DMD: variants seen among roughly 807,000 people sequenced by gnomAD.
DMD encodes the protein mutant dystrophin.
A neutral mutation model predicts 330.1 loss-of-function variants in DMD; 63 were observed. The ratio of observed to expected loss-of-function variants is 0.19; its 90% CI spans 0.16 to 0.24. The LOEUF (loss-of-function observed/expected upper bound fraction) is 0.24, where lower values mean the gene tolerates loss of function less well. Among genes scored for constraint, DMD ranks in the 10% least tolerant of loss-of-function variants. The probability of loss-of-function intolerance (pLI) is 1.00; values close to 1 mark genes in which losing one functional copy is unlikely to be tolerated. For synonymous variants in DMD, 1,223 were observed against 959.8 expected, an observed-to-expected ratio of 1.27 and a Z score of -5.07; for missense variants, 3,344 against 2,684.1, an observed-to-expected ratio of 1.25 and a Z score of -5.43.
chrX:32,913,603 G>A (rs998340250), intron 2 of DMD, among the ~76,000 whole-genome samples: 1 of 111,861 alleles, frequency 8.9e-6, no homozygotes, highest in African/African-American at 3.2e-5. Flanking sequence ...AGTTGGAACT[G>A]TGTAGCAGAC....
At chrX:32,811,443 T>C (rs1377384916) in intron 6 of DMD, among the ~76,000 whole-genome samples, 1 of 112,041 alleles carries the variant, frequency 8.9e-6, no homozygotes, top group Non-Finnish European at 1.9e-5. Context: ...ACACTTACTA[T>C]TTAACGTATT....
At chrX:32,289,989 T>C (rs2097459905) in intron 42 of DMD, among the ~76,000 whole-genome samples, 1 of 111,848 alleles carries the variant, frequency 8.9e-6, no homozygotes, top group South Asian at 3.7e-4. Flanking sequence ...ATCTTCACTA[T>C]GACCTATAAA....
At chrX:33,155,030 C>T (rs1454342777) in intron 1 of DMD, among the ~76,000 whole-genome samples, 2 of 112,189 alleles carry the variant, frequency 1.8e-5, no homozygotes, top group African/African-American at 6.5e-5. Flanking sequence ...TCCAGAAGTA[C>T]AAGACAAAAC....
Position 32,983,528 on chromosome X carries a change from T to TACACACACAC in DMD, c.93+36601_93+36610dup, listed in dbSNP as rs561986393. Among the ~76,000 whole-genome samples the TACACACACAC allele has an allele frequency of 4.4e-4, 32 of 73,555 alleles. 1 individual carries two copies. The highest frequency in any genetic ancestry group is 1.2e-3 in the African/African-American group (23 of 18,581). The allele number at this position is 73,555 out of a possible 115,157, so 63.9% of individuals were successfully genotyped here. A position where few individuals can be genotyped will look rare whatever the true frequency, so the allele number is the denominator to read the frequency against. ...TGTGATGAAACTGTACAGAACTAAATACACACACACACACACACACACACA... is the reference window on the plus strand; with the variant it reads ...TGTGATGAAACTGTACAGAACTAAATACACACACACACACACACACACACACACACACACA... On this transcript the variant is annotated intron_variant, in intron 2 of 78. Coordinates refer to ENST00000357033, the MANE Select transcript of DMD (RefSeq NM_004006.3).
intron 7 of DMD, among the ~76,000 whole-genome samples, chrX:32,731,424 C>T (rs976577108): frequency 8.9e-6 from 1 of 112,795 alleles, no homozygotes; most frequent in Admixed American, 9.3e-5. Flanking sequence ...CTCAAGGAGG[C>T]CTGCCTGCCT....
intron 1 of DMD, among the ~76,000 whole-genome samples, chrX:33,131,612 G>A (rs993030902): frequency 9.8e-5 from 11 of 111,938 alleles, no homozygotes; most frequent in Non-Finnish European, 1.9e-4. Flanking sequence ...ACCAAGCCCT[G>A]CAGACAAACT....
intron 44 of DMD, among the ~76,000 whole-genome samples, chrX:32,075,073 A>C (rs753528082): frequency 4.5e-4 from 50 of 112,352 alleles, no homozygotes; most frequent in African/African-American, 1.6e-3. Context: ...AGAGAGAGGA[A>C]GTGAACTCCT....
chrX:32,672,903 C>A (rs1460608818), intron 9 of DMD, among the ~76,000 whole-genome samples: 3 of 110,640 alleles, frequency 2.7e-5, no homozygotes, highest in Non-Finnish European at 5.7e-5. Flanking sequence ...TAAAGGCTTA[C>A]CAGAATCCTG....
intron 9 of DMD, among the ~76,000 whole-genome samples, chrX:32,672,090 T>C (rs1440144728): frequency 8.9e-6 from 1 of 111,815 alleles, no homozygotes; most frequent in Admixed American, 9.6e-5. Flanking sequence ...ACACCTAGCA[T>C]AGTCCTTTGC....
chrX:32,153,451 C>A (rs1174475605), intron 44 of DMD, among the ~76,000 whole-genome samples: 2 of 108,794 alleles, frequency 1.8e-5, no homozygotes, highest in Non-Finnish European at 3.8e-5. Flanking sequence ...AAAAAATCAC[C>A]AAAATCTCAG....
intron 13 of DMD, among the ~76,000 whole-genome samples, chrX:32,593,944 G>C (rs2055224909): frequency 8.9e-6 from 1 of 112,294 alleles, no homozygotes; most frequent in Non-Finnish European, 1.9e-5. Context: ...CTGAACCTTT[G>C]AGAGAAAGAA....
intron 1 of DMD, among the ~76,000 whole-genome samples, chrX:33,314,467 A>T (rs2053897415): frequency 9.3e-6 from 1 of 107,541 alleles, no homozygotes; most frequent in Non-Finnish European, 1.9e-5. Flanking sequence ...CATTTTGGCC[A>T]GGCAGGTCTC....
At chrX:32,272,084 C>T (rs192661398) in intron 43 of DMD, among the ~76,000 whole-genome samples, 3 of 111,896 alleles carry the variant, frequency 2.7e-5, no homozygotes, top group African/African-American at 9.7e-5. Context: ...ATAGTACAGC[C>T]TCTTCCCTGT....
chrX:32,142,767 G>C (rs1023909251), intron 44 of DMD, among the ~76,000 whole-genome samples: 1 of 112,399 alleles, frequency 8.9e-6, no homozygotes, highest in Non-Finnish European at 1.9e-5. Flanking sequence ...ATGCTTGTTA[G>C]AATAGCACAC....
Position 31,348,611 on chromosome X carries a change from C to T in DMD, c.9108G>A (p.Arg3036=), listed in dbSNP as rs1276369095. The change falls in exon 61 of 79, where the codon AGG becomes AGA. Residue 3036 remains arginine, a synonymous_variant. Coordinates refer to ENST00000357033, the MANE Select transcript of DMD (RefSeq NM_004006.3). ...AGTCCCTGTGGGCTTCATGCAGCTG[C>T]CTGACTCGGTCCTCGACGGCCACCT... ...LLQVAVEDRV[R]QLHEAHRDFG... 9.1e-6 allele frequency: 11 copies of T among 1,209,087 alleles called. No homozygotes were observed. The highest frequency in any genetic ancestry group is 1.2e-5 in the Non-Finnish European group (11 of 894,704).
chrX:31,385,866 C>A (rs1486533576), intron 60 of DMD, among the ~76,000 whole-genome samples: 2 of 111,896 alleles, frequency 1.8e-5, no homozygotes, highest in Non-Finnish European at 3.8e-5. Context: ...CCCAGCCATC[C>A]CATTACTGGG....
intron 30 of DMD, among the ~76,000 whole-genome samples, chrX:32,408,298 A>T (rs900025416): frequency 1.8e-5 from 2 of 111,643 alleles, no homozygotes; most frequent in African/African-American, 6.5e-5. Flanking sequence ...TCCAATTCAG[A>T]ATCTGAGGGC....
chrX:33,010,239 C>CATATGTGTGTATATGTGTAT (rs2093667996), intron 2 of DMD, among the ~76,000 whole-genome samples: 1 of 102,123 alleles, frequency 9.8e-6, no homozygotes, highest in Non-Finnish European at 2.0e-5. Context: ...TATATATGTA[C>CATATGTGTGTATATGTGTAT]ATATGTGTGT....
intron 2 of DMD, among the ~76,000 whole-genome samples, chrX:32,962,798 G>A (rs1391449094): frequency 8.9e-6 from 1 of 111,959 alleles, no homozygotes; most frequent in Non-Finnish European, 1.9e-5. Context: ...GTACAAGCCA[G>A]GGCATCAGTT....
Sources: allele counts gnomAD v4.1 joint callset (sites outside exome capture counted in the v4.1 genomes callset), GRCh38; gene constraint gnomAD v4.1.1; transcripts MANE v1.5; gene names NCBI Gene and HGNC (gene_info 2026-07-23, HGNC 2026-07-21).